Variants in MYH7 observed in about 807,000 individuals in gnomAD.
MYH7 encodes the protein myosin-7.
Under a neutral mutation model 225.4 loss-of-function variants are expected in MYH7, and 129 were observed. The ratio of observed to expected loss-of-function variants is 0.57; its 90% CI spans 0.50 to 0.66. MYH7 has a LOEUF of 0.66. Among genes scored for constraint, MYH7 ranks in the 30% least tolerant of loss-of-function variants. The pLI, the probability that MYH7 is intolerant of heterozygous loss-of-function variation, is 0.00. For missense variants in MYH7, 1,649 were observed against 2,517.0 expected, an observed-to-expected ratio of 0.66 and a Z score of 7.38; for synonymous variants, 971 against 1,007.6, an observed-to-expected ratio of 0.96 and a Z score of 0.69.
rs752642671 is a variant in MYH7 at position 23,423,906 on chromosome 14, C to T, written c.2922+1G>A. The T allele has an allele frequency of 6.2e-7, 1 of 1,614,018 alleles. No homozygotes were observed. The highest frequency in any genetic ancestry group is 8.5e-7 in the Non-Finnish European group (1 of 1,180,036). On this transcript the variant is annotated splice_donor_variant, in intron 23 of 39. Coordinates refer to ENST00000355349, the MANE Select transcript of MYH7 (RefSeq NM_000257.4). LOFTEE classifies it high-confidence loss of function. Reference sequence around the variant, plus strand: ...CTGGAGCCAAAGGGAGCTGCCCTTACCTTGTTCTCTGTTGCGTGTTTCTCC... The same window carrying T: ...CTGGAGCCAAAGGGAGCTGCCCTTATCTTGTTCTCTGTTGCGTGTTTCTCC...
rs397516102 is a variant in MYH7, at chr14:23,433,598, C to G, written c.135G>C (p.Glu45Asp). 1 of 1,614,256 alleles carries G rather than the reference C, an allele frequency of 6.2e-7. No homozygotes were observed. The highest frequency in any genetic ancestry group is 1.3e-5 in the African/African-American group (1 of 75,070). Reference sequence around the variant, plus strand: ...GAGACACGATCTTGGCCTTGACAAACTCCTGTTTGTCATCAGGCACGAAGA... The same window carrying G: ...GAGACACGATCTTGGCCTTGACAAAGTCCTGTTTGTCATCAGGCACGAAGA... ...KDVFVPDDKQ[E>D]FVKAKIVSRE... The change falls in exon 3 of 40, where the codon GAG (glutamate) becomes GAC (aspartate). Residue 45 changes from glutamate (E) to aspartate (D), a missense_variant. Coordinates refer to ENST00000355349, the MANE Select transcript of MYH7 (RefSeq NM_000257.4). This position sits in a 1 kb window ranked among gnomAD's most constrained non-coding sequence, Gnocchi z 4.1.
At chr14:23,418,077 G>A (rs1892301764) in intron 30 of MYH7, 133 bp downstream of exon 30, 1 of 1,334,500 alleles carries the variant, frequency 7.5e-7, no homozygotes, top group Non-Finnish European at 1.1e-6. Context: ...AGGAGGTGGG[G>A]CCGGGGCAGA....
chr14:23,426,934 A>G (rs768811335), intron 17 of MYH7, 70 bp from the exon 18 acceptor site: 14 of 1,378,196 alleles, frequency 1.0e-5, no homozygotes, highest in Non-Finnish European at 1.4e-5. Context: ...AAGAGAGGAG[A>G]AGAAGGAAGG....
In MYH7 at chr14:23,431,878, ACAGGGGCTTATTGGG is replaced by A. The variant is rs745681018; in HGVS notation, c.531-24_531-10del. 2 of 1,613,648 alleles carry A rather than the reference ACAGGGGCTTATTGGG, an allele frequency of 1.2e-6. No homozygotes were observed. Among genetic ancestry groups the A allele is most frequent in the South Asian group, 2.2e-5 (2 of 91,070 alleles). On this transcript the variant is annotated splice_polypyrimidine_tract_variant and intron_variant, in intron 6 of 39. Transcript: ENST00000355349. ...CTGCTCCGGATTCTCCGCTGTGAAG[ACAGGGGCTTATTGGG>A]CAGTGAACAATACTACTGGAGACCA...
chr14:23,417,930 T>C, intron 30 of MYH7: 1 of 867,798 alleles, frequency 1.2e-6, no homozygotes. Flanking sequence ...TATGGGCTTC[T>C]GCAGCCCTCC....
intron 38 of MYH7, 41 bp downstream of exon 38, chr14:23,413,966 C>T: frequency 3.7e-6 from 6 of 1,614,154 alleles, no homozygotes; most frequent in Non-Finnish European, 5.1e-6. Context: ...ACGAGCTCTC[C>T]TATGCCTCCC....
At position 23,427,723 on chromosome 14, in the gene MYH7, C is replaced by G. The variant is rs121913626; in HGVS notation, c.1750G>C (p.Gly584Arg). 7 of 1,614,158 alleles carry G rather than the reference C, an allele frequency of 4.3e-6. No homozygotes were observed. The highest frequency in any genetic ancestry group is 5.9e-6 in the Non-Finnish European group (7 of 1,180,034). The change falls in exon 16 of 40, where the codon GGC becomes CGC. Residue 584 changes from glycine to arginine, a missense_variant. This residue lies in a region of MYH7 where 112 missense variants were observed against 161.9 expected (regional missense o/e 0.69). Transcript: ENST00000355349. ...EAHFSLIHYA[G>R]IVDYNIIGWL... ...CCAATGATGTTGTAGTCCACGATGC[C>G]GGCATAGTGGATCAGGGAGAAGTGG...
At chr14:23,423,440 C>CAA in intron 24 of MYH7, 107 bp downstream of exon 24, 1 of 145,788 alleles carries the variant, frequency 6.9e-6, no homozygotes, top group Non-Finnish European at 9.9e-6. Flanking sequence ...AACACAAACA[C>CAA]ACACACACAC....
At chr14:23,414,912 A>G in intron 37 of MYH7, 83 bp downstream of exon 37, 3 of 1,596,592 alleles carry the variant, frequency 1.9e-6, no homozygotes, top group Non-Finnish European at 2.5e-6. Flanking sequence ...GAAGAGGCTA[A>G]GAGCAAACTC....
At chr14:23,435,575 G>A (rs753910694) in intron 1 of MYH7, 45 bp downstream of exon 1, 1 of 152,424 alleles carries the variant, frequency 6.6e-6, no homozygotes, top group Non-Finnish European at 1.5e-5. Context: ...TCCTAAGCCT[G>A]GAGCCCCCTT....
At chr14:23,424,231 C>T in intron 22 of MYH7, 82 bp from the exon 23 acceptor site, 1 of 1,570,532 alleles carries the variant, frequency 6.4e-7, no homozygotes, top group Admixed American at 1.7e-5. Flanking sequence ...AGGCACATCA[C>T]TCAAATAGGA....
Position 23,425,651 on chromosome 14 carries a change from G to C in MYH7, c.2286+44C>G. 6.2e-7 allele frequency: 1 copy of C among 1,613,608 alleles called. No individual in the cohort carries two copies. The highest frequency in any genetic ancestry group is 8.5e-7 in the Non-Finnish European group (1 of 1,179,710). ...AGGAAAAGCATCAGAGGAGTCAATGGAAAAGAGATGTCTTCCTTTAATTAA... is the reference window on the plus strand; with the variant it reads ...AGGAAAAGCATCAGAGGAGTCAATGCAAAAGAGATGTCTTCCTTTAATTAA... On this transcript the variant is annotated intron_variant, in intron 20 of 39. Coordinates refer to ENST00000355349, the MANE Select transcript of MYH7 (RefSeq NM_000257.4). This position sits in a 1 kb window ranked among gnomAD's most constrained non-coding sequence, Gnocchi z 4.6.
At chr14:23,434,325 G>C (rs577080797) in intron 1 of MYH7, 76 bp from the exon 2 acceptor site, 10 of 952,966 alleles carry the variant, frequency 1.0e-5, no homozygotes, top group Middle Eastern at 5.5e-4. Context: ...CTTCTCCCTG[G>C]CTCTGTTCTT....
chr14:23,418,458 C>T (rs1202745527), intron 29 of MYH7, 52 bp from the exon 30 acceptor site: 1 of 1,545,840 alleles, frequency 6.5e-7, no homozygotes, highest in African/African-American at 1.4e-5. Context: ...CATAAAGCAA[C>T]CCCACCCTTG....
intron 30 of MYH7, chr14:23,417,977 C>T (rs1213526968): frequency 4.5e-6 from 4 of 889,190 alleles, no homozygotes; most frequent in East Asian, 2.4e-5. Context: ...CTGCCCCAGA[C>T]GGAAGCACTC....
rs121913644 is a variant in MYH7, at chr14:23,425,798, G to A, written c.2183C>T (p.Ala728Val). 1.3e-4 allele frequency: 217 copies of A among 1,613,978 alleles called. 1 individual carries two copies. The highest frequency in any genetic ancestry group is 2.7e-4 in the Admixed American group (16 of 60,024). ...FRQRYRILNP[A>V]AIPEGQFIDS... is the part of the protein sequence containing the mutation. ...AATGAACTGTCCCTCAGGGATGGCC[G>A]CTGGGTTCAGGATGCGATACCTGAG... The change falls in exon 20 of 40, where the codon GCG becomes GTG. Residue 728 changes from alanine (A) to valine (V), a missense_variant. By Grantham distance (64) the Ala-to-Val change is moderately conservative. Transcript: ENST00000355349. The surrounding 1 kb of genome is among the most constrained non-coding windows in gnomAD (Gnocchi z 4.6).
chr14:23,422,602 T>G (rs1892523452), intron 24 of MYH7, among the ~76,000 whole-genome samples: 1 of 147,904 alleles, frequency 6.8e-6, no homozygotes, highest in South Asian at 2.1e-4. Flanking sequence ...TTTCTCTCCT[T>G]TCTTTCTCTC....
intron 31 of MYH7, 53 bp from the exon 32 acceptor site, chr14:23,417,371 A>T: frequency 6.2e-7 from 1 of 1,612,074 alleles, no homozygotes; most frequent in Admixed American, 1.7e-5. Context: ...CCCCATGTCC[A>T]GGGTCTGTCT....
chr14:23,426,949 G>C, intron 17 of MYH7, 85 bp from the exon 18 acceptor site: 9 of 1,218,030 alleles, frequency 7.4e-6, no homozygotes, highest in South Asian at 1.3e-5. Context: ...GGAAGGAAAA[G>C]AGAGATGGAG....
Sources: gnomAD v4.1 joint callset for allele counts (sites outside exome capture counted in the v4.1 genomes callset) on GRCh38, gnomAD v4.1.1 for gene constraint, gnomAD v4.1.1 regional missense constraint, Gnocchi (gnomAD v3.1) non-coding constraint, MANE v1.5 for transcripts, NCBI Gene and HGNC (gene_info 2026-07-23, HGNC 2026-07-21) for gene names.